Variants in PPARD observed in about 807,000 individuals in gnomAD.
PPARD encodes the protein peroxisome proliferator activated receptor delta, also known as peroxisome proliferator-activated receptor delta.
PPARD carries 6 observed loss-of-function variants against 39.5 expected under a neutral mutation model. The ratio of observed to expected loss-of-function variants is 0.15; its 90% CI spans 0.08 to 0.30. The LOEUF (loss-of-function observed/expected upper bound fraction) is 0.30. Among genes scored for constraint, PPARD ranks in the 10% least tolerant of loss-of-function variants. The pLI, the probability that PPARD is intolerant of heterozygous loss-of-function variation, is 1.00. For synonymous variants in PPARD, 210 were observed against 231.3 expected (o/e 0.91, Z 0.83); for missense variants, 397 against 596.8 (o/e 0.67, Z 3.49).
chr6:35,396,305 C>T (rs1764309551), intron 2 of PPARD, among the ~76,000 whole-genome samples: 1 of 151,336 alleles, frequency 6.6e-6, no homozygotes, highest in African/African-American at 2.4e-5. Flanking sequence ...CCCAGGTTCA[C>T]GCCATTCTCC....
At chr6:35,364,639 G>A (rs1053790189) in intron 2 of PPARD, among the ~76,000 whole-genome samples, 3 of 150,498 alleles carry the variant, frequency 2.0e-5, no homozygotes, top group Admixed American at 6.6e-5. Context: ...AGGTTTCACC[G>A]TGTTGGCCAG....
At chr6:35,403,326 A>G (rs1227103131) in intron 2 of PPARD, among the ~76,000 whole-genome samples, 1 of 152,168 alleles carries the variant, frequency 6.6e-6, no homozygotes, top group Non-Finnish European at 1.5e-5. Context: ...TTTATTCCAC[A>G]CAGCAGCCTC....
chr6:35,380,651 C>T (rs140061479), intron 2 of PPARD, among the ~76,000 whole-genome samples: 177 of 151,982 alleles, frequency 1.2e-3, no homozygotes, highest in African/African-American at 4.1e-3. Flanking sequence ...GCACCACACC[C>T]GGCTAATTTT....
chr6:35,384,148 T>C (rs1344663261), intron 2 of PPARD, among the ~76,000 whole-genome samples: 19 of 121,670 alleles, frequency 1.6e-4, no homozygotes, highest in South Asian at 6.2e-4. Context: ...CGCCTCTGCC[T>C]GGCCACCCCT....
intron 2 of PPARD, among the ~76,000 whole-genome samples, chr6:35,365,127 A>ACTCTTTTTT (rs1762133628): frequency 5.5e-5 from 6 of 108,662 alleles, no homozygotes; most frequent in African/African-American, 2.8e-4. Flanking sequence ...GAGCTTCCTT[A>ACTCTTTTTT]TTCTTTTTTT....
At chr6:35,376,544 A>G (rs1428475359) in intron 2 of PPARD, among the ~76,000 whole-genome samples, 3 of 151,648 alleles carry the variant, frequency 2.0e-5, no homozygotes, top group African/African-American at 7.3e-5. Context: ...TCTGGCTGAG[A>G]CTTGGGTCCT....
At chr6:35,416,848 CTG>C (rs1310884040) in intron 3 of PPARD, among the ~76,000 whole-genome samples, 2 of 152,190 alleles carry the variant, frequency 1.3e-5, no homozygotes, top group Non-Finnish European at 2.9e-5. Flanking sequence ...TTGCTCCACT[CTG>C]TCTCATGTTC....
In PPARD at chr6:35,412,367, C is replaced by G. The variant is rs576628634; in HGVS notation, c.130+1150C>G. Among the ~76,000 whole-genome samples, 20 of 152,342 alleles carry G rather than the reference C, an allele frequency of 1.3e-4. No individual in the cohort carries two copies. The highest frequency in any genetic ancestry group is 4.1e-4 in the African/African-American group (17 of 41,580). On this transcript the variant is annotated intron_variant, in intron 3 of 7. Transcript: ENST00000360694. This position sits in a 1 kb window ranked among gnomAD's most constrained non-coding sequence, Gnocchi z 4.1. ...AAGGATATACTGCTGGGAGTAGACA[C>G]CCTGCACTCGCTGCTGCTTTCAGCT...
At chr6:35,395,615 A>G (rs1764266046) in intron 2 of PPARD, among the ~76,000 whole-genome samples, 1 of 152,206 alleles carries the variant, frequency 6.6e-6, no homozygotes, top group Non-Finnish European at 1.5e-5. Context: ...TTGGGGAGGA[A>G]AAGGTGCAGG....
chr6:35,396,405 C>T (rs904039881), intron 2 of PPARD, among the ~76,000 whole-genome samples: 3 of 151,112 alleles, frequency 2.0e-5, no homozygotes, highest in African/African-American at 4.9e-5. Flanking sequence ...AGGGTGTCAC[C>T]GTGTTAGCCA....
chr6:35,415,616 T>C (rs528809051), intron 3 of PPARD, among the ~76,000 whole-genome samples: 1 of 152,358 alleles, frequency 6.6e-6, no homozygotes, highest in South Asian at 2.1e-4. Context: ...CTGTGTCTTC[T>C]TGTTCATCAT....
chr6:35,356,145 T>G (rs2150465901), intron 2 of PPARD, among the ~76,000 whole-genome samples: 1 of 152,256 alleles, frequency 6.6e-6, no homozygotes, highest in South Asian at 2.1e-4. Context: ...GGGAAACTGC[T>G]TCATGCTTAA....
rs200112901 is a variant in PPARD, at chr6:35,425,127, A to T, written c.1078+348A>T. 7.7e-5 allele frequency: 63 copies of T among 820,050 alleles called. No individual in the cohort carries two copies. The highest frequency in any genetic ancestry group is 4.8e-5 in the Admixed American group (1 of 20,708). The allele number at this position is 820,050 out of a possible 1,614,324, so 50.8% of individuals were successfully genotyped here. A position where few individuals can be genotyped will look rare whatever the true frequency, so the allele number is the denominator to read the frequency against. ...GTCTCTACTAAAAATACAAAAAATTAGCCAGATGTGGTGGCACGCGCCTGT... is the reference window on the plus strand; with the variant it reads ...GTCTCTACTAAAAATACAAAAAATTTGCCAGATGTGGTGGCACGCGCCTGT... On this transcript the variant is annotated intron_variant, in intron 7 of 7. Coordinates refer to ENST00000360694, the MANE Select transcript of PPARD (RefSeq NM_006238.5). The surrounding 1 kb of genome is among the most constrained non-coding windows in gnomAD (Gnocchi z 4.5).
At chr6:35,365,196 G>A (rs1446163027) in intron 2 of PPARD, among the ~76,000 whole-genome samples, 4 of 139,082 alleles carry the variant, frequency 2.9e-5, no homozygotes, top group Non-Finnish European at 4.5e-5. Context: ...GCAGTGGCGC[G>A]ATCTCAGCTC....
At chr6:35,367,432 C>T (rs965442361) in intron 2 of PPARD, among the ~76,000 whole-genome samples, 3 of 152,242 alleles carry the variant, frequency 2.0e-5, no homozygotes, top group South Asian at 2.1e-4. Context: ...TTTCACAGCC[C>T]GTTCACTTCT....
intron 2 of PPARD, among the ~76,000 whole-genome samples, chr6:35,358,178 T>C (rs543894816): frequency 8.5e-5 from 13 of 152,048 alleles, no homozygotes; most frequent in African/African-American, 2.9e-4. Context: ...GAGAGAGAGA[T>C]TGGACACAGG....
rs551423758 is a variant in PPARD at position 35,396,638 on chromosome 6, G to A, written c.-101-14349G>A. ...GAGGTCAGGAGACAGAGACCATCCT[G>A]GTTAACGTGGTGAAATCCCGTCTTT... On this transcript the variant is annotated intron_variant, in intron 2 of 7. Transcript: ENST00000360694. Among the ~76,000 whole-genome samples, 5 of 151,146 alleles carry A rather than the reference G, an allele frequency of 3.3e-5. 1 individual carries two copies. The highest frequency in any genetic ancestry group is 2.1e-4 in the South Asian group (1 of 4,764).
intron 2 of PPARD, among the ~76,000 whole-genome samples, chr6:35,403,071 G>A (rs769121408): frequency 9.2e-5 from 14 of 152,166 alleles, no homozygotes; most frequent in Non-Finnish European, 1.6e-4. Flanking sequence ...AGAAGCATGT[G>A]CCCAGAGTAG....
Position 35,420,175 on chromosome 6 carries a change from TGGGCTGTGACG to T in PPARD, c.184_194del (p.Cys62LeufsTer27). 1 of 1,613,680 alleles carries T rather than the reference TGGGCTGTGACG, an allele frequency of 6.2e-7. No homozygotes were observed. The highest frequency in any genetic ancestry group is 8.5e-7 in the Non-Finnish European group (1 of 1,179,836). ...CCCTCACTGCTGGACCAACTGCAGA[TGGGCTGTGACG>T]GGGCCTCATGCGGCAGCCTCAACAT... On this transcript the variant is annotated frameshift_variant, in exon 4 of 8. Transcript: ENST00000360694. LOFTEE classifies it high-confidence loss of function.
Sources: allele counts gnomAD v4.1 joint callset (sites outside exome capture counted in the v4.1 genomes callset), GRCh38; gene constraint gnomAD v4.1.1; non-coding constraint Gnocchi (gnomAD v3.1); transcripts MANE v1.5; gene names NCBI Gene and HGNC (gene_info 2026-07-23, HGNC 2026-07-21).